The following STAU2 variants were observed in gnomAD, a reference collection of about 807,000 sequenced individuals.
The protein encoded by STAU2 is double-stranded RNA-binding protein Staufen homolog 2.
In STAU2, 20 loss-of-function variants were observed where a neutral mutation model predicts 65.9. The observed-to-expected ratio is 0.30, with a 90% CI of 0.21 to 0.44. The LOEUF is 0.44. STAU2 is among the 20% of genes least tolerant of loss of function. The probability of loss-of-function intolerance (pLI) is 1.00; values close to 1 mark genes in which losing one functional copy is unlikely to be tolerated. For synonymous variants in STAU2, 232 were observed against 233.9 expected, an observed-to-expected ratio of 0.99 and a Z score of 0.07; for missense variants, 558 against 683.9, an observed-to-expected ratio of 0.82 and a Z score of 2.05.
At chr8:73,587,226 G>GA (rs151143026) in intron 11 of STAU2, among the ~76,000 whole-genome samples, 1,704 of 152,088 alleles carry the variant, frequency 0.011, 31 homozygotes, top group African/African-American at 0.038. Flanking sequence ...TTACAGCTTA[G>GA]AAAAAAACTA....
intron 13 of STAU2, among the ~76,000 whole-genome samples, chr8:73,473,803 T>C (rs564805846): frequency 3.9e-4 from 60 of 152,284 alleles, no homozygotes; most frequent in African/African-American, 1.4e-3. Flanking sequence ...CTTTGAGTAT[T>C]AGAACACTTA....
At chr8:73,683,699 C>T (rs1391812726) in intron 5 of STAU2, among the ~76,000 whole-genome samples, 3 of 152,028 alleles carry the variant, frequency 2.0e-5, no homozygotes, top group African/African-American at 7.3e-5. Context: ...TGATCGTATA[C>T]CTAGAAAACC....
At chr8:73,550,323 G>A in intron 13 of STAU2, 1 of 983,250 alleles carries the variant, frequency 1.0e-6, no homozygotes, top group Non-Finnish European at 1.2e-6. Context: ...TGACTACAGT[G>A]AAGATATGTT....
intron 6 of STAU2, among the ~76,000 whole-genome samples, chr8:73,659,407 C>G (rs1421443234): frequency 1.3e-5 from 2 of 152,108 alleles, no homozygotes; most frequent in Non-Finnish European, 1.5e-5. Context: ...CATGGTGGCA[C>G]ATGCCTGTTG....
upstream of STAU2, chr8:73,746,884 G>GC (rs1807330654): frequency 5.7e-6 from 5 of 870,276 alleles, no homozygotes; most frequent in Non-Finnish European, 4.4e-6. Flanking sequence ...CGGGCTCCCC[G>GC]CCCCCCGCCT....
rs868030992 is a variant in STAU2 at position 73,467,821 on chromosome 8, A to G, written c.1531-45119T>C. Among the ~76,000 whole-genome samples the G allele has an allele frequency of 1.1e-4, 17 of 152,366 alleles. 1 individual carries two copies. The Middle Eastern group carries it at 0.01, about 91-fold the overall frequency. On this transcript the variant is annotated intron_variant, in intron 13 of 14. Transcript: ENST00000524300. ...AATAAAAGAGGATACAAACAAATGG[A>G]AGAACATTCCATGCTCATGGATAGG...
At chr8:73,630,643 G>T (rs6472794) in intron 6 of STAU2, among the ~76,000 whole-genome samples, 132,766 of 152,162 alleles carry the variant, frequency 0.87, 58,282 homozygotes, top group East Asian at 0.97. Flanking sequence ...AGTGGATGTT[G>T]ACATGAGTTA....
At chr8:73,693,409 A>G (rs985710151) in intron 4 of STAU2, among the ~76,000 whole-genome samples, 9 of 148,406 alleles carry the variant, frequency 6.1e-5, no homozygotes, top group Non-Finnish European at 8.9e-5. Flanking sequence ...CGGGAGGTGG[A>G]GCTTGCAGTG....
intron 6 of STAU2, among the ~76,000 whole-genome samples, chr8:73,632,475 T>A (rs1814173776): frequency 6.6e-6 from 1 of 152,208 alleles, no homozygotes; most frequent in Non-Finnish European, 1.5e-5. Flanking sequence ...ATTTTACTTA[T>A]TGTTCTCTTT....
At chr8:73,705,814 T>C (rs1201917777) in intron 4 of STAU2, among the ~76,000 whole-genome samples, 1 of 152,216 alleles carries the variant, frequency 6.6e-6, no homozygotes, top group Non-Finnish European at 1.5e-5. Context: ...AAACGTAAGA[T>C]AGGTCACTAC....
At chr8:73,651,975 A>T (rs1260175428) in intron 6 of STAU2, among the ~76,000 whole-genome samples, 1 of 152,196 alleles carries the variant, frequency 6.6e-6, no homozygotes, top group Non-Finnish European at 1.5e-5. Flanking sequence ...AAAGTTACCA[A>T]AAGGGTTGGT....
chr8:73,724,331 CCTT>C (rs1464340206), intron 3 of STAU2, among the ~76,000 whole-genome samples: 2 of 152,210 alleles, frequency 1.3e-5, no homozygotes, highest in East Asian at 1.9e-4. Context: ...CCCCATCCGT[CCTT>C]CTTATTTAAT....
intron 12 of STAU2, among the ~76,000 whole-genome samples, chr8:73,581,359 T>C (rs760505478): frequency 2.0e-5 from 3 of 152,206 alleles, no homozygotes; most frequent in African/African-American, 7.2e-5. Flanking sequence ...TTGGTCACCA[T>C]ATGTATGCAC....
chr8:73,492,418 C>T (rs1317549514), intron 13 of STAU2, among the ~76,000 whole-genome samples: 1 of 151,848 alleles, frequency 6.6e-6, no homozygotes, highest in Non-Finnish European at 1.5e-5. Flanking sequence ...TCATTACCAG[C>T]CAATGCTAAA....
chr8:73,676,237 C>A (rs990663665), intron 5 of STAU2, among the ~76,000 whole-genome samples: 3 of 152,108 alleles, frequency 2.0e-5, no homozygotes, highest in East Asian at 1.9e-4. Context: ...CTCCACAGAC[C>A]TATTACTTCT....
intron 13 of STAU2, among the ~76,000 whole-genome samples, chr8:73,539,643 G>C (rs1482384974): frequency 1.3e-5 from 2 of 152,082 alleles, no homozygotes; most frequent in Non-Finnish European, 2.9e-5. Context: ...AGGAGTTCGA[G>C]ACCAGCCTGA....
At chr8:73,671,514 C>T (rs943003720) in intron 6 of STAU2, among the ~76,000 whole-genome samples, 24 of 151,936 alleles carry the variant, frequency 1.6e-4, no homozygotes, top group African/African-American at 5.8e-4. Flanking sequence ...TTAGTACAAA[C>T]TTTAGTGCAA....
intron 1 of STAU2, 69 bp downstream of exon 1, chr8:73,746,714 G>A: frequency 1.0e-6 from 1 of 992,856 alleles, no homozygotes; most frequent in East Asian, 3.3e-5. Context: ...GCTCCCCAGC[G>A]CCCTCTGCCT....
chr8:73,551,373 T>C, intron 13 of STAU2: 2 of 987,124 alleles, frequency 2.0e-6, no homozygotes, highest in Non-Finnish European at 2.4e-6. Context: ...TTGTTGGTAC[T>C]ATCTGAGGCA....
Sources: gnomAD v4.1 joint callset for allele counts (sites outside exome capture counted in the v4.1 genomes callset) on GRCh38, gnomAD v4.1.1 for gene constraint, MANE v1.5 for transcripts, NCBI Gene and HGNC (gene_info 2026-07-23, HGNC 2026-07-21) for gene names.